Variants in CRPPA observed in about 807,000 individuals in gnomAD.
CRPPA encodes the protein D-ribitol-5-phosphate cytidylyltransferase.
CRPPA carries 43 observed loss-of-function variants against 52.0 expected under a neutral mutation model. The observed-to-expected ratio is 0.83, with a 90% CI of 0.65 to 1.07. CRPPA has a LOEUF of 1.07. CRPPA is among the 50% of genes least tolerant of loss of function. The pLI, the probability that CRPPA is intolerant of heterozygous loss-of-function variation, is 0.00. For synonymous variants in CRPPA, 250 were observed against 203.5 expected (o/e 1.23, Z -1.94); for missense variants, 629 against 551.7 (o/e 1.14, Z -1.40).
rs563162096 is a variant in CRPPA at position 16,383,829 on chromosome 7, G to A, written c.535-7588C>T. On this transcript the variant is annotated intron_variant, in intron 2 of 9. Transcript: ENST00000407010. The stretch of plus-strand genomic sequence containing the variant: ...GCGGGATATAATCTCCTGGTGTGCC[G>A]TTTTTTAAGCCCGTCGGAAAAGCGC... 1.1e-4 allele frequency among the ~76,000 whole-genome samples: 16 copies of A among 152,320 alleles called. 1 individual carries two copies. The South Asian group carries it at 1.9e-3, about 18-fold the overall frequency.
intron 3 of CRPPA, among the ~76,000 whole-genome samples, chr7:16,340,439 A>C (rs945215935): frequency 1.3e-5 from 2 of 152,060 alleles, no homozygotes; most frequent in Non-Finnish European, 2.9e-5. Flanking sequence ...AGACCTTAAA[A>C]GACACCTCAC....
chr7:16,283,141 G>A (rs1008037998), intron 5 of CRPPA, among the ~76,000 whole-genome samples: 3 of 151,610 alleles, frequency 2.0e-5, no homozygotes, highest in Admixed American at 2.0e-4. Context: ...ATGATGTGGG[G>A]ATTACAAAAG....
At chr7:16,254,816 A>AGAAAGAAAGAAC (rs1783581529) in intron 8 of CRPPA, among the ~76,000 whole-genome samples, 27 of 147,862 alleles carry the variant, frequency 1.8e-4, no homozygotes, top group African/African-American at 6.7e-4. Flanking sequence ...AAAGAAAGAA[A>AGAAAGAAAGAAC]GAAAGAAAGA....
chr7:16,281,860 C>T (rs1047957319), intron 5 of CRPPA, among the ~76,000 whole-genome samples: 1 of 152,116 alleles, frequency 6.6e-6, no homozygotes, highest in Non-Finnish European at 1.5e-5. Flanking sequence ...TTCTTATTAA[C>T]AGTAGCATAA....
At chr7:16,309,631 A>G (rs79572228) in intron 3 of CRPPA, among the ~76,000 whole-genome samples, 9,744 of 152,018 alleles carry the variant, frequency 0.064, 405 homozygotes, top group Non-Finnish European at 0.098. Context: ...TTTTTGAGAC[A>G]GAGTTCTTGC....
intron 9 of CRPPA, among the ~76,000 whole-genome samples, chr7:16,092,959 T>G (rs139344065): frequency 6.6e-6 from 1 of 152,190 alleles, no homozygotes; most frequent in Non-Finnish European, 1.5e-5. Context: ...TCCCACACCC[T>G]TTCTAGCTTA....
chr7:16,228,160 G>C (rs985050166), intron 8 of CRPPA, among the ~76,000 whole-genome samples: 2 of 151,794 alleles, frequency 1.3e-5, no homozygotes, highest in South Asian at 2.1e-4. Flanking sequence ...TTTGAAGTCA[G>C]GTAATGTGAT....
At chr7:16,127,860 T>C (rs2128371916) in intron 9 of CRPPA, among the ~76,000 whole-genome samples, 1 of 152,296 alleles carries the variant, frequency 6.6e-6, no homozygotes, top group South Asian at 2.1e-4. Flanking sequence ...CTAATGTTAT[T>C]AGTATTCTTA....
At chr7:16,144,334 G>A (rs1583387364) in intron 9 of CRPPA, among the ~76,000 whole-genome samples, 2 of 152,198 alleles carry the variant, frequency 1.3e-5, no homozygotes, top group East Asian at 3.9e-4. Flanking sequence ...CTGACTTCCA[G>A]CTCCATTCTA....
chr7:16,265,585 A>G (rs1783932146), intron 6 of CRPPA, among the ~76,000 whole-genome samples: 1 of 152,202 alleles, frequency 6.6e-6, no homozygotes, highest in South Asian at 2.1e-4. Flanking sequence ...GAATATATGT[A>G]AAGACCCAGT....
In CRPPA at chr7:16,338,864, G is replaced by A. The variant is rs1429674485; in HGVS notation, c.685-30237C>T. On this transcript the variant is annotated intron_variant, in intron 3 of 9. Transcript: ENST00000407010. ...AGAGTGCTGCTCTGTCACCCAGGCT[G>A]GAGTGCAGTGGCATGATCTCGGCTC... 3.4e-5 allele frequency among the ~76,000 whole-genome samples: 5 copies of A among 146,412 alleles called. No individual in the cohort carries two copies. In the East Asian group the frequency reaches 1.0e-3, roughly 29 times the overall value.
chr7:16,311,714 T>C (rs1785038600), intron 3 of CRPPA, among the ~76,000 whole-genome samples: 1 of 152,124 alleles, frequency 6.6e-6, no homozygotes, highest in African/African-American at 2.4e-5. Flanking sequence ...CAAACTGTCT[T>C]CTAAAGTGAC....
chr7:16,156,115 C>CAA lies in CRPPA; in HGVS notation c.1251+59949_1251+59950dup, dbSNP rs35258024. 1.4e-3 allele frequency among the ~76,000 whole-genome samples: 157 copies of CAA among 111,952 alleles called. 3 individuals are homozygous for CAA. In the East Asian group the frequency reaches 0.02, roughly 14 times the overall value. The allele number at this position is 111,952 out of a possible 152,430, so 73.4% of individuals were successfully genotyped here. A position where few individuals can be genotyped will look rare whatever the true frequency, so the allele number is the denominator to read the frequency against. Reference sequence around the variant, plus strand: ...ATAGACTTACTGAGTTATTCAAAAGCAAAAAAAAAAAAAAAAAAATACGCT... The same window carrying CAA: ...ATAGACTTACTGAGTTATTCAAAAGCAAAAAAAAAAAAAAAAAAAAATACGCT... On this transcript the variant is annotated intron_variant, in intron 9 of 9. Transcript: ENST00000407010.
chr7:16,401,554 A>G lies in CRPPA; in HGVS notation c.534+4507T>C, dbSNP rs181012082. On this transcript the variant is annotated intron_variant, in intron 2 of 9. Transcript: ENST00000407010. Reference sequence around the variant, plus strand: ...TTAGAAAATGCCTTCTTCCACCAGGAGCAATACTTAGGAGGTTGCTTTGTT... The same window carrying G: ...TTAGAAAATGCCTTCTTCCACCAGGGGCAATACTTAGGAGGTTGCTTTGTT... 8.3e-4 allele frequency among the ~76,000 whole-genome samples: 126 copies of G among 152,284 alleles called. 1 individual carries two copies. Among genetic ancestry groups the G allele is most frequent in the South Asian group, 1.7e-3 (8 of 4,820 alleles).
At chr7:16,237,874 T>A (rs1198408285) in intron 8 of CRPPA, among the ~76,000 whole-genome samples, 1 of 152,232 alleles carries the variant, frequency 6.6e-6, no homozygotes, top group Non-Finnish European at 1.5e-5. Flanking sequence ...CATATAGAAA[T>A]GCCAGTCCTC....
intron 4 of CRPPA, among the ~76,000 whole-genome samples, chr7:16,302,176 G>C (rs904805433): frequency 2.6e-5 from 4 of 151,492 alleles, no homozygotes; most frequent in Admixed American, 6.6e-5. Context: ...GGCGCCTGTA[G>C]TCCCAGCTAC....
At chr7:16,114,737 A>T (rs931042279) in intron 9 of CRPPA, among the ~76,000 whole-genome samples, 6 of 152,016 alleles carry the variant, frequency 3.9e-5, no homozygotes, top group African/African-American at 1.4e-4. Context: ...ATGAAAGACA[A>T]CCAAACAACT....
intron 3 of CRPPA, among the ~76,000 whole-genome samples, chr7:16,366,035 T>C (rs1434820607): frequency 1.3e-5 from 2 of 152,226 alleles, no homozygotes; most frequent in South Asian, 2.1e-4. Flanking sequence ...TTATTGCTCA[T>C]AATTCGAGAG....
intron 9 of CRPPA, among the ~76,000 whole-genome samples, chr7:16,111,152 A>C (rs1371975518): frequency 6.6e-6 from 1 of 152,216 alleles, no homozygotes; most frequent in Non-Finnish European, 1.5e-5. Flanking sequence ...GAAAAAATAC[A>C]AACGGCCAAC....
Sources: allele counts gnomAD v4.1 joint callset (sites outside exome capture counted in the v4.1 genomes callset), GRCh38; gene constraint gnomAD v4.1.1; transcripts MANE v1.5; gene names NCBI Gene and HGNC (gene_info 2026-07-23, HGNC 2026-07-21).